The following SLC1A2 variants were observed in gnomAD, a reference collection of about 807,000 sequenced individuals.
SLC1A2 encodes excitatory amino acid transporter 2.
A neutral mutation model predicts 48.8 loss-of-function variants in SLC1A2; 15 were observed. The ratio of observed to expected loss-of-function variants is 0.31; its 90% CI spans 0.21 to 0.47. The LOEUF is 0.47. SLC1A2 is among the 20% of genes least tolerant of loss of function. SLC1A2 has a pLI of 0.99. For synonymous variants in SLC1A2, 279 were observed against 272.6 expected (o/e 1.02, Z -0.23); for missense variants, 502 against 730.5 (o/e 0.69, Z 3.61).
At chr11:35,322,842 C>A (rs1852117683) in intron 1 of SLC1A2, 1 of 675,494 alleles carries the variant, frequency 1.5e-6, no homozygotes, top group South Asian at 1.6e-5. Context: ...GGGTTTCCCC[C>A]AGCTCCTTGA....
chr11:35,270,041 A>T (rs1468932173), intron 9 of SLC1A2, among the ~76,000 whole-genome samples: 1 of 152,230 alleles, frequency 6.6e-6, no homozygotes, highest in Non-Finnish European at 1.5e-5. Context: ...CGGTAGGCAG[A>T]GGCTGCAGTG....
At chr11:35,295,893 G>T (rs1851157358) in intron 6 of SLC1A2, among the ~76,000 whole-genome samples, 1 of 152,178 alleles carries the variant, frequency 6.6e-6, no homozygotes, top group Non-Finnish European at 1.5e-5. Context: ...CCAGCTTCCT[G>T]TTAACAATTC....
intron 1 of SLC1A2, chr11:35,391,674 T>C (rs1854774505): frequency 6.6e-6 from 1 of 152,236 alleles, no homozygotes; most frequent in African/African-American, 2.4e-5. Context: ...TTAAAGGTTG[T>C]TAACTGCTGT....
chr11:35,397,856 C>T (rs986401649), intron 1 of SLC1A2, among the ~76,000 whole-genome samples: 2 of 152,202 alleles, frequency 1.3e-5, no homozygotes, highest in African/African-American at 2.4e-5. Context: ...GGCTCCACAA[C>T]TATGAGAAAT....
chr11:35,385,006 GT>G (rs966837540), intron 1 of SLC1A2, among the ~76,000 whole-genome samples: 2 of 152,152 alleles, frequency 1.3e-5, no homozygotes, highest in Middle Eastern at 3.2e-3. Flanking sequence ...GATATATGTG[GT>G]TTATACAAAG....
At chr11:35,383,749 T>C (rs1203968584) in intron 1 of SLC1A2, among the ~76,000 whole-genome samples, 1 of 152,194 alleles carries the variant, frequency 6.6e-6, no homozygotes, top group East Asian at 1.9e-4. Flanking sequence ...ACCCTGTCTT[T>C]CTCATCTCTG....
chr11:35,301,597 C>T lies in SLC1A2; in HGVS notation c.779G>A (p.Gly260Glu), dbSNP rs771401421. 1 of 1,613,716 alleles carries T rather than the reference C, an allele frequency of 6.2e-7. No homozygotes were observed. Among genetic ancestry groups the T allele is most frequent in the Non-Finnish European group, 8.5e-7 (1 of 1,179,650 alleles). Reference sequence around the variant, plus strand: ...ATCCACCATCAGCTTGGCCTGATCTCCCATCTTCCCCATAGCGATGCCAAA... The same window carrying T: ...ATCCACCATCAGCTTGGCCTGATCTTCCATCTTCCCCATAGCGATGCCAAA... Reference protein sequence around the residue: ...IAFGIAMGKMGDQAKLMVDFF... With the variant: ...IAFGIAMGKMEDQAKLMVDFF... The change falls in exon 6 of 11, where the codon GGA (glycine) becomes GAA (glutamate). Residue 260 changes from glycine to glutamate, a missense_variant. Around this residue, in one of 4 missense-constraint regions of SLC1A2, gnomAD observed 309 missense variants for 480.3 expected, o/e 0.64. Coordinates refer to ENST00000278379, the MANE Select transcript of SLC1A2 (RefSeq NM_004171.4).
At position 35,255,494 on chromosome 11, in the gene SLC1A2, A is replaced by G. The variant is rs1024004185; in HGVS notation, c.*5400T>C. 2.0e-5 allele frequency: 3 copies of G among 152,256 alleles called. No homozygotes were observed. The highest frequency in any genetic ancestry group is 6.5e-5 in the Admixed American group (1 of 15,278). The allele number at this position is 152,256 out of a possible 1,614,324, so 9.4% of individuals were successfully genotyped here. ...GGTGTGCATGTCTACATACTGGCGGAGAAGAAAAGATATTTACAAACAGTT... is the reference window on the plus strand; with the variant it reads ...GGTGTGCATGTCTACATACTGGCGGGGAAGAAAAGATATTTACAAACAGTT... On this transcript the variant is annotated 3_prime_UTR_variant, in exon 11 of 11. Transcript: ENST00000278379.
At chr11:35,393,517 T>C (rs1043411733) in intron 1 of SLC1A2, among the ~76,000 whole-genome samples, 11 of 152,128 alleles carry the variant, frequency 7.2e-5, no homozygotes, top group African/African-American at 2.7e-4. Flanking sequence ...TCCCCCAGTG[T>C]GTGGCATCTG....
intron 2 of SLC1A2, 111 bp from the exon 3 acceptor site, chr11:35,315,286 A>T: frequency 1.4e-6 from 1 of 703,046 alleles, no homozygotes; most frequent in Admixed American, 2.6e-5. Context: ...GCAGTATTAA[A>T]TGATGAACAA....
At chr11:35,381,391 C>T (rs1240642819) in intron 1 of SLC1A2, among the ~76,000 whole-genome samples, 1 of 152,132 alleles carries the variant, frequency 6.6e-6, no homozygotes, top group Admixed American at 6.5e-5. Flanking sequence ...CCCATCATTG[C>T]CTGAAAGGAC....
chr11:35,370,924 AAT>A, intron 1 of SLC1A2: 1 of 981,028 alleles, frequency 1.0e-6, no homozygotes, highest in Non-Finnish European at 1.2e-6. Flanking sequence ...GAATACATGA[AAT>A]ATATGAAAAC....
chr11:35,311,893 GGA>G (rs1565233366), intron 4 of SLC1A2, among the ~76,000 whole-genome samples: 1 of 69,242 alleles, frequency 1.4e-5, no homozygotes, highest in Non-Finnish European at 2.6e-5. Flanking sequence ...AGAGAGAGAG[GGA>G]GGGAGAGAGA....
At chr11:35,412,331 T>C (rs987764387) in intron 1 of SLC1A2, among the ~76,000 whole-genome samples, 1 of 152,220 alleles carries the variant, frequency 6.6e-6, no homozygotes. Flanking sequence ...TATGGTGATA[T>C]GGAACACTGT....
At chr11:35,368,576 G>A (rs577706959) in intron 1 of SLC1A2, among the ~76,000 whole-genome samples, 5 of 152,296 alleles carry the variant, frequency 3.3e-5, no homozygotes, top group African/African-American at 1.2e-4. Flanking sequence ...TCAAGCTCAC[G>A]TAGCCTTGCT....
chr11:35,322,486 C>T, intron 1 of SLC1A2: 2 of 858,992 alleles, frequency 2.3e-6, no homozygotes, highest in South Asian at 1.5e-5. Context: ...GGCAACAGAA[C>T]ACTCCCCAGG....
At chr11:35,378,447 T>G (rs1467447058) in intron 1 of SLC1A2, among the ~76,000 whole-genome samples, 1 of 152,266 alleles carries the variant, frequency 6.6e-6, no homozygotes, top group Non-Finnish European at 1.5e-5. Context: ...TGAAGCAGTT[T>G]AAAATTGTCA....
rs531651667 is a variant in SLC1A2 at position 35,252,153 on chromosome 11, T to C, written c.*8741A>G. On this transcript the variant is annotated 3_prime_UTR_variant, in exon 11 of 11. Coordinates refer to ENST00000278379, the MANE Select transcript of SLC1A2 (RefSeq NM_004171.4). ...GAACTCTGAAGTTTATAGCCAGAAC[T>C]GTGCTTTCGTAGGGTTTCACCTGCA... 6.5e-6 allele frequency: 1 copy of C among 152,724 alleles called. No homozygotes were observed. Among genetic ancestry groups the C allele is most frequent in the East Asian group, 1.9e-4 (1 of 5,186 alleles). The allele number at this position is 152,724 out of a possible 1,614,324, so 9.5% of individuals were successfully genotyped here.
chr11:35,380,717 C>T (rs186273822), intron 1 of SLC1A2, among the ~76,000 whole-genome samples: 36 of 152,266 alleles, frequency 2.4e-4, no homozygotes, highest in African/African-American at 5.1e-4. Context: ...ATAGTGACAG[C>T]GCTAAGGCAG....
Sources: gnomAD v4.1 joint callset for allele counts (sites outside exome capture counted in the v4.1 genomes callset) on GRCh38, gnomAD v4.1.1 for gene constraint, gnomAD v4.1.1 regional missense constraint, MANE v1.5 for transcripts, NCBI Gene and HGNC (gene_info 2026-07-23, HGNC 2026-07-21) for gene names.